GPC5: variants seen among roughly 807,000 people sequenced by gnomAD.
GPC5 encodes the protein glypican 5.
In GPC5, 47 loss-of-function variants were observed where a neutral mutation model predicts 53.9. The ratio of observed to expected loss-of-function variants is 0.87; its 90% confidence interval spans 0.69 to 1.11. GPC5 has a LOEUF of 1.11. Ranked by LOEUF, GPC5 falls within the 50% of genes most tolerant of loss-of-function variation. The pLI is 0.00. For synonymous variants in GPC5, 286 were observed against 263.3 expected (o/e 1.09, Z -0.84); for missense variants, 748 against 713.1 (o/e 1.05, Z -0.56).
At chr13:92,098,584 C>A (rs563541772) in intron 6 of GPC5, among the ~76,000 whole-genome samples, 1 of 152,060 alleles carries the variant, frequency 6.6e-6, no homozygotes, top group Admixed American at 6.5e-5. Context: ...AGAAAAAATG[C>A]CCCCCCACAC....
intron 7 of GPC5, among the ~76,000 whole-genome samples, chr13:92,353,144 C>T (rs2139270510): frequency 6.6e-6 from 1 of 150,968 alleles, no homozygotes; most frequent in Non-Finnish European, 1.5e-5. Flanking sequence ...CCTGTAGTCC[C>T]AGCTACTGGG....
chr13:92,241,794 C>T (rs933678202), intron 7 of GPC5: 3 of 152,136 alleles, frequency 2.0e-5, no homozygotes, highest in African/African-American at 7.2e-5. Context: ...GGCAAGTACT[C>T]TATTTGAGTT....
At chr13:91,438,400 G>T (rs1880150562) in intron 1 of GPC5, among the ~76,000 whole-genome samples, 1 of 152,206 alleles carries the variant, frequency 6.6e-6, no homozygotes, top group Non-Finnish European at 1.5e-5. Flanking sequence ...TCAGCTGCAG[G>T]TCTGTTGGAG....
At chr13:92,758,757 G>T (rs1036409302) in intron 7 of GPC5, among the ~76,000 whole-genome samples, 1 of 151,952 alleles carries the variant, frequency 6.6e-6, no homozygotes, top group Non-Finnish European at 1.5e-5. Context: ...AATTACATGG[G>T]AATGTGTTTC....
intron 7 of GPC5, among the ~76,000 whole-genome samples, chr13:92,556,329 T>A (rs1377805266): frequency 6.6e-6 from 1 of 151,836 alleles, no homozygotes; most frequent in Non-Finnish European, 1.5e-5. Context: ...TTAGAAATAG[T>A]TTATTAATAG....
chr13:91,407,918 T>C (rs753421466), intron 1 of GPC5, among the ~76,000 whole-genome samples: 40 of 152,210 alleles, frequency 2.6e-4, no homozygotes, highest in Admixed American at 5.9e-4. Context: ...AAAAATTTAT[T>C]TTAAATCGAC....
chr13:92,575,261 A>C (rs760231605), intron 7 of GPC5, among the ~76,000 whole-genome samples: 3 of 152,184 alleles, frequency 2.0e-5, no homozygotes, highest in South Asian at 2.1e-4. Context: ...TTAAGTTAAT[A>C]AGCTCAAAAG....
intron 6 of GPC5, among the ~76,000 whole-genome samples, chr13:92,103,305 C>T (rs1594764138): frequency 6.6e-6 from 1 of 152,044 alleles, no homozygotes; most frequent in Non-Finnish European, 1.5e-5. Flanking sequence ...CAATTTTGAA[C>T]CCTGTCAAAA....
At position 92,456,236 on chromosome 13, in the gene GPC5, A is replaced by G. The variant is rs538878574; in HGVS notation, c.1561+311247A>G. 7.9e-5 allele frequency among the ~76,000 whole-genome samples: 12 copies of G among 152,288 alleles called. No homozygotes were observed. In the East Asian group the frequency reaches 2.1e-3, roughly 27 times the overall value. ...ATTTAGATTCTTAACACTAAGGAACATTGCCTAAAGGAGCACTTGCTCTTA... is the reference window on the plus strand; with the variant it reads ...ATTTAGATTCTTAACACTAAGGAACGTTGCCTAAAGGAGCACTTGCTCTTA... On this transcript the variant is annotated intron_variant, in intron 7 of 7. Coordinates refer to ENST00000377067, the MANE Select transcript of GPC5 (RefSeq NM_004466.6).
At chr13:92,615,947 G>A (rs1566322245) in intron 7 of GPC5, among the ~76,000 whole-genome samples, 1 of 152,062 alleles carries the variant, frequency 6.6e-6, no homozygotes, top group East Asian at 1.9e-4. Context: ...CCAGCTACTT[G>A]GGAGGCTGAG....
chr13:92,711,601 C>G (rs973611003), intron 7 of GPC5, among the ~76,000 whole-genome samples: 1 of 152,020 alleles, frequency 6.6e-6, no homozygotes, highest in Admixed American at 6.6e-5. Flanking sequence ...TGTCTCTAAT[C>G]TACTTTATAG....
intron 6 of GPC5, among the ~76,000 whole-genome samples, chr13:91,917,225 C>G (rs2039668273): frequency 6.6e-6 from 1 of 152,196 alleles, no homozygotes; most frequent in Admixed American, 6.5e-5. Context: ...TAAGAAGCTA[C>G]AGGTCCCATG....
intron 2 of GPC5, among the ~76,000 whole-genome samples, chr13:91,505,771 T>C (rs561233783): frequency 6.6e-6 from 1 of 152,284 alleles, no homozygotes. Flanking sequence ...AATCCATAAG[T>C]GTATGGATGT....
At chr13:91,610,145 G>A (rs1485555961) in intron 2 of GPC5, among the ~76,000 whole-genome samples, 1 of 152,126 alleles carries the variant, frequency 6.6e-6, no homozygotes, top group East Asian at 1.9e-4. Flanking sequence ...AATGACAGTG[G>A]ATATATCTAA....
chr13:91,954,938 A>G (rs1033033417), intron 6 of GPC5, among the ~76,000 whole-genome samples: 4 of 152,064 alleles, frequency 2.6e-5, no homozygotes, highest in Admixed American at 6.5e-5. Context: ...CATATTCCTC[A>G]TTTCCAACAA....
chr13:92,044,869 C>T (rs9560904), intron 6 of GPC5, among the ~76,000 whole-genome samples: 67,145 of 151,778 alleles, frequency 0.44, 15,180 homozygotes, highest in Admixed American at 0.52. Context: ...AAATTAAAAC[C>T]CTGGCTTTGT....
At position 92,360,086 on chromosome 13, in the gene GPC5, G is replaced by A. The variant is rs571896086; in HGVS notation, c.1561+215097G>A. 1.7e-4 allele frequency among the ~76,000 whole-genome samples: 26 copies of A among 151,598 alleles called. 1 individual carries two copies. The South Asian group carries it at 1.9e-3, about 11-fold the overall frequency. On this transcript the variant is annotated intron_variant, in intron 7 of 7. Coordinates refer to ENST00000377067, the MANE Select transcript of GPC5 (RefSeq NM_004466.6). The stretch of plus-strand genomic sequence containing the variant: ...AGAAGCTCTTAAGTTTAATTAGATC[G>A]CATTTTGTCAATTTCTGCTTTTGTT...
At chr13:92,266,251 T>A (rs2042801849) in intron 7 of GPC5, among the ~76,000 whole-genome samples, 1 of 152,202 alleles carries the variant, frequency 6.6e-6, no homozygotes, top group Non-Finnish European at 1.5e-5. Context: ...GATGTTTGAG[T>A]GTGATTATCT....
intron 7 of GPC5, among the ~76,000 whole-genome samples, chr13:92,410,678 G>A (rs781090781): frequency 6.6e-6 from 1 of 152,188 alleles, no homozygotes; most frequent in Non-Finnish European, 1.5e-5. Context: ...ATGTTCGCAA[G>A]ACTTTTGTTG....
Sources: gnomAD v4.1 joint callset for allele counts (sites outside exome capture counted in the v4.1 genomes callset) on GRCh38, gnomAD v4.1.1 for gene constraint, MANE v1.5 for transcripts, NCBI Gene and HGNC (gene_info 2026-07-23, HGNC 2026-07-21) for gene names.